Variants in PHF3 observed in about 807,000 individuals in gnomAD.
PHF3 encodes PHD finger protein 3.
Under a neutral mutation model 178.4 loss-of-function variants are expected in PHF3, and 41 were observed. That is an observed-to-expected ratio of 0.23 (90% confidence interval 0.18 to 0.30). PHF3 has a LOEUF of 0.30. PHF3 is among the 10% of genes least tolerant of loss of function. PHF3 has a pLI of 1.00. For missense variants in PHF3, 2,346 were observed against 2,398.1 expected, an observed-to-expected ratio of 0.98 and a Z score of 0.45; for synonymous variants, 842 against 800.5, an observed-to-expected ratio of 1.05 and a Z score of -0.88.
Position 63,720,914 on chromosome 6 carries a change from G to A in PHF3, c.*7206G>A. ...CTACATGGTGCCATTTATTACAACA[G>A]AATGTGCCATTGTTATAGCTCATAG... On this transcript the variant is annotated 3_prime_UTR_variant, in exon 16 of 16. Transcript: ENST00000262043. 1 of 1,550,898 alleles carries A rather than the reference G, an allele frequency of 6.4e-7. No individual in the cohort carries two copies. Among genetic ancestry groups the A allele is most frequent in the Non-Finnish European group, 8.7e-7 (1 of 1,146,434 alleles).
At chr6:63,679,929 TC>T (rs1306127098) in intron 2 of PHF3, 70 bp from the exon 3 acceptor site, 1 of 1,243,244 alleles carries the variant, frequency 8.0e-7, no homozygotes, top group African/African-American at 1.5e-5. Flanking sequence ...CACAGTATTT[TC>T]TGTACTGCCT....
At chr6:63,641,879 C>T (rs552095446) in intron 1 of PHF3, among the ~76,000 whole-genome samples, 70 of 152,182 alleles carry the variant, frequency 4.6e-4, no homozygotes, top group African/African-American at 1.7e-3. Flanking sequence ...CTGCCCGCCT[C>T]GTCCTCCCAA....
intron 1 of PHF3, among the ~76,000 whole-genome samples, chr6:63,640,224 A>G (rs1330723568): frequency 6.6e-6 from 1 of 152,214 alleles, no homozygotes. Flanking sequence ...ACTTTGTAGT[A>G]TTGTGTCATA....
chr6:63,709,497 A>G (rs1420120232), intron 14 of PHF3, among the ~76,000 whole-genome samples: 1 of 152,028 alleles, frequency 6.6e-6, no homozygotes, highest in Non-Finnish European at 1.5e-5. Context: ...TTTTAGAGTA[A>G]GTATTGAAAT....
intron 5 of PHF3, among the ~76,000 whole-genome samples, chr6:63,693,197 T>A (rs1254644521): frequency 6.6e-6 from 1 of 152,240 alleles, no homozygotes; most frequent in African/African-American, 2.4e-5. Context: ...AACTTCTATT[T>A]ATTATTAACT....
Position 63,703,641 on chromosome 6 carries a change from C to A in PHF3, c.3337C>A (p.Leu1113Ile). ...TACCACTAGTCAACACAGACAGCAT[C>A]TTTTTGATCTCAACTGCAAAATCTG... ...KDTTSQHRQH[L>I]FDLNCKICIG... Residue 1113 changes from leucine to isoleucine, a missense_variant, in exon 11 of 16, where the codon CTT becomes ATT. This residue lies in a region of PHF3 where 205 missense variants were observed against 212.4 expected (regional missense o/e 0.97). Coordinates refer to ENST00000262043, the MANE Select transcript of PHF3 (RefSeq NM_001370348.2). 6.2e-7 allele frequency: 1 copy of A among 1,603,628 alleles called. No individual in the cohort carries two copies. The highest frequency in any genetic ancestry group is 8.5e-7 in the Non-Finnish European group (1 of 1,177,346).
At chr6:63,670,302 C>T (rs553181563) in intron 2 of PHF3, among the ~76,000 whole-genome samples, 1 of 152,104 alleles carries the variant, frequency 6.6e-6, no homozygotes, top group Non-Finnish European at 1.5e-5. Flanking sequence ...GAGTCTCGCT[C>T]TTAACGCCCA....
At chr6:63,678,114 T>C (rs937393033) in intron 2 of PHF3, among the ~76,000 whole-genome samples, 3 of 151,756 alleles carry the variant, frequency 2.0e-5, no homozygotes, top group African/African-American at 7.3e-5. Context: ...TCCCAGCTAC[T>C]TGGGAGGCTG....
chr6:63,712,914 C>T lies in PHF3; in HGVS notation c.5326C>T (p.Pro1776Ser), dbSNP rs1445822408. 6.2e-7 allele frequency: 1 copy of T among 1,613,998 alleles called. No homozygotes were observed. ...TGGAAACACATGTCCATCAGAATTT[C>T]CTTCTAAAAGCATCACCTTTACTTC... Reference protein sequence around the residue: ...EVGNTCPSEFPSKSITFTSRS... With the variant: ...EVGNTCPSEFSSKSITFTSRS... The change falls in exon 16 of 16, where the codon CCT becomes TCT. Residue 1776 changes from proline to serine, a missense_variant. Physicochemically the swap from Pro to Ser is moderately conservative, Grantham distance 74. Transcript: ENST00000262043.
At chr6:63,641,123 G>A (rs149591509) in intron 1 of PHF3, among the ~76,000 whole-genome samples, 69 of 152,344 alleles carry the variant, frequency 4.5e-4, no homozygotes, top group African/African-American at 1.6e-3. Flanking sequence ...TTTTTGGTAA[G>A]CATGCCTGAT....
In PHF3 at chr6:63,711,955, C is replaced by G. The variant is rs778390619; in HGVS notation, c.4367C>G (p.Thr1456Ser). 6.2e-7 allele frequency: 1 copy of G among 1,613,700 alleles called. No individual in the cohort carries two copies. Among genetic ancestry groups the G allele is most frequent in the African/African-American group, 1.3e-5 (1 of 74,886 alleles). ...VLIGWENQPT[T>S]LELANKPLPV... ...ATTGGCTGGGAGAATCAACCTACTA[C>G]TCTGGAATTAGCAAATAAACCTCTT... Residue 1456 changes from threonine (T) to serine (S), a missense_variant, in exon 16 of 16, where the codon ACT becomes AGT. Physicochemically the swap from Thr to Ser is moderately conservative, Grantham distance 58. Transcript: ENST00000262043.
intron 15 of PHF3, 99 bp from the exon 16 acceptor site, chr6:63,711,487 G>A: frequency 1.5e-6 from 2 of 1,344,166 alleles, no homozygotes; most frequent in Non-Finnish European, 2.0e-6. Context: ...ACAGGGCCAG[G>A]CACCATTTAA....
chr6:63,637,635 C>G (rs200731529), intron 1 of PHF3, among the ~76,000 whole-genome samples: 1 of 3,122 alleles, frequency 3.2e-4, no homozygotes, highest in Non-Finnish European at 1.4e-3. Flanking sequence ...ATGATTCTTT[C>G]CTTCATCATC....
chr6:63,679,747 C>G (rs929486650), intron 2 of PHF3: 4 of 488,422 alleles, frequency 8.2e-6, no homozygotes, highest in Non-Finnish European at 1.6e-5. Flanking sequence ...ATATTTGAGG[C>G]TAAATCAGGA....
At chr6:63,691,329 G>T (rs185272905) in intron 4 of PHF3, among the ~76,000 whole-genome samples, 31 of 152,178 alleles carry the variant, frequency 2.0e-4, no homozygotes, top group Non-Finnish European at 1.5e-5. Context: ...GGTGAGGTAG[G>T]TAGCTGTAAC....
chr6:63,716,200 GGGAAACTT>G lies in PHF3; in HGVS notation c.*2495_*2502del, dbSNP rs1258402046. On this transcript the variant is annotated 3_prime_UTR_variant, in exon 16 of 16. Coordinates refer to ENST00000262043, the MANE Select transcript of PHF3 (RefSeq NM_001370348.2). ...GAGGAAACTGGAACTTAGAGAAGTT[GGGAAACTT>G]GGCCAGGTTACCCTGCTGTTGTCAG... 6.6e-6 allele frequency among the ~76,000 whole-genome samples: 1 copy of G among 152,110 alleles called. No individual in the cohort carries two copies. Among genetic ancestry groups the G allele is most frequent in the Admixed American group, 6.6e-5 (1 of 15,244 alleles).
At chr6:63,640,379 CTTAT>C (rs1220790794) in intron 1 of PHF3, among the ~76,000 whole-genome samples, 2 of 152,174 alleles carry the variant, frequency 1.3e-5, no homozygotes, top group Admixed American at 6.5e-5. Context: ...GGCTCTGTCA[CTTAT>C]TTATTTTGTA....
chr6:63,669,963 T>C (rs1208080397), intron 2 of PHF3, among the ~76,000 whole-genome samples: 5 of 152,220 alleles, frequency 3.3e-5, no homozygotes, highest in African/African-American at 1.2e-4. Context: ...CCAAATTTAT[T>C]ACAGAGTTGA....
chr6:63,644,676 G>C (rs922313286), intron 1 of PHF3, among the ~76,000 whole-genome samples: 1 of 151,982 alleles, frequency 6.6e-6, no homozygotes, highest in Non-Finnish European at 1.5e-5. Flanking sequence ...CTTCTATTTA[G>C]AAGGACATTA....
Sources: allele counts gnomAD v4.1 joint callset (sites outside exome capture counted in the v4.1 genomes callset), GRCh38; gene constraint gnomAD v4.1.1; regional missense constraint gnomAD v4.1.1; transcripts MANE v1.5; gene names NCBI Gene and HGNC (gene_info 2026-07-23, HGNC 2026-07-21).